The following ARMC8 variants were observed in gnomAD, a reference collection of about 807,000 sequenced individuals.
ARMC8 encodes armadillo repeat-containing protein 8.
In ARMC8, 20 loss-of-function variants were observed where a neutral mutation model predicts 99.3. That is an observed-to-expected ratio of 0.20 (90% confidence interval 0.14 to 0.29). The LOEUF (loss-of-function observed/expected upper bound fraction) is 0.29. Among genes scored for constraint, ARMC8 ranks in the 10% least tolerant of loss-of-function variants. ARMC8 has a pLI of 1.00. For missense variants in ARMC8, 569 were observed against 809.5 expected (o/e 0.70, Z 3.60); for synonymous variants, 263 against 278.3 (o/e 0.95, Z 0.55).
intron 12 of ARMC8, among the ~76,000 whole-genome samples, chr3:138,253,570 A>G (rs952275858): frequency 6.6e-6 from 1 of 152,348 alleles, no homozygotes; most frequent in South Asian, 2.1e-4. Context: ...AAAAAATACT[A>G]CAAACTGAGA....
rs955591766 is a variant in ARMC8 at position 138,295,736 on chromosome 3, C to T, written c.1989-123C>T. The stretch of plus-strand genomic sequence containing the variant: ...CTTAAGGTAGGTGCCCACCTGGGCT[C>T]ACCCCAATTCCCTCTGGAGATTTAC... On this transcript the variant is annotated intron_variant, in intron 21 of 21. Transcript: ENST00000469044. The T allele has an allele frequency of 8.5e-6, 9 of 1,052,786 alleles. No homozygotes were observed. The African/African-American group carries it at 9.5e-5, about 11-fold the overall frequency. 65.2% of individuals were successfully genotyped at this position (1,052,786 alleles called of 1,614,324 possible). A position where few individuals can be genotyped will look rare whatever the true frequency, so the allele number is the denominator to read the frequency against.
chr3:138,242,800 AGTT>A (rs2046688586), intron 11 of ARMC8, among the ~76,000 whole-genome samples: 1 of 152,220 alleles, frequency 6.6e-6, no homozygotes, highest in African/African-American at 2.4e-5. Flanking sequence ...TTTGGTAGGC[AGTT>A]GTTCATTTGG....
At chr3:138,283,907 A>G (rs1021514560) in intron 18 of ARMC8, among the ~76,000 whole-genome samples, 1 of 152,160 alleles carries the variant, frequency 6.6e-6, no homozygotes, top group Non-Finnish European at 1.5e-5. Flanking sequence ...CTAAGTGCAC[A>G]TGGCTGGTGT....
intron 13 of ARMC8, 154 bp downstream of exon 13, chr3:138,263,975 C>G: frequency 2.1e-6 from 2 of 946,240 alleles, no homozygotes; most frequent in Non-Finnish European, 3.3e-6. Context: ...TAACAGAGAG[C>G]CTGGCCTCCA....
chr3:138,281,862 CA>C (rs1410506229), intron 18 of ARMC8, among the ~76,000 whole-genome samples: 1 of 152,084 alleles, frequency 6.6e-6, no homozygotes, highest in Non-Finnish European at 1.5e-5. Flanking sequence ...AAGTGTTTAC[CA>C]TTTCTCTTCC....
In ARMC8 at chr3:138,190,063, G is replaced by C. The variant is rs1233187428; in HGVS notation, c.45+2464G>C. Among the ~76,000 whole-genome samples, 5 of 150,952 alleles carry C rather than the reference G, an allele frequency of 3.3e-5. No homozygotes were observed. The East Asian group carries it at 7.7e-4, about 23-fold the overall frequency. On this transcript the variant is annotated intron_variant, in intron 1 of 21. Transcript: ENST00000469044. ...TCTTCCCATGACCACCCTCATTCAG[G>C]ACTTTGTTGTTTTGTGCCTGCACTA...
intron 7 of ARMC8, among the ~76,000 whole-genome samples, chr3:138,236,794 G>A (rs748362827): frequency 2.8e-4 from 43 of 151,838 alleles, no homozygotes; most frequent in Admixed American, 2.0e-3. Flanking sequence ...ATTATATATG[G>A]TTAAGGATTG....
chr3:138,269,820 C>T (rs79976240), intron 15 of ARMC8, among the ~76,000 whole-genome samples: 53 of 121,614 alleles, frequency 4.4e-4, no homozygotes, highest in Middle Eastern at 4.6e-3. Context: ...TGTTTTCTTT[C>T]TTTTTTTTTT....
At chr3:138,198,390 G>A (rs1559911129) in intron 1 of ARMC8, among the ~76,000 whole-genome samples, 1 of 152,058 alleles carries the variant, frequency 6.6e-6, no homozygotes, top group Non-Finnish European at 1.5e-5. Context: ...CTGAAAACCG[G>A]AGAGGCTGGC....
At chr3:138,188,430 T>C (rs553859846) in intron 1 of ARMC8, 1 of 1,562,818 alleles carries the variant, frequency 6.4e-7, no homozygotes, top group African/African-American at 1.4e-5. Flanking sequence ...GACTTTCACC[T>C]TTCACTATGT....
In ARMC8 at chr3:138,217,249, G is replaced by C. The variant is rs372079810; in HGVS notation, c.123-4677G>C. ...AAGCATGACTGTAATTGATTTTTTA[G>C]CTTGGGTCTCCAGTCTTCAATACTT... On this transcript the variant is annotated intron_variant, in intron 2 of 21. Transcript: ENST00000469044. Among the ~76,000 whole-genome samples the C allele has an allele frequency of 2.0e-5, 3 of 152,150 alleles. 1 individual carries two copies. Among genetic ancestry groups the C allele is most frequent in the Admixed American group, 6.5e-5 (1 of 15,280 alleles).
At chr3:138,284,558 A>G (rs750459144) in intron 19 of ARMC8, 32 bp downstream of exon 19, 1 of 1,463,950 alleles carries the variant, frequency 6.8e-7, no homozygotes, top group Admixed American at 1.7e-5. Flanking sequence ...CCGTAGGATT[A>G]GAATGCAGGG....
chr3:138,278,728 T>C (rs1271572775), intron 18 of ARMC8, among the ~76,000 whole-genome samples: 2 of 152,204 alleles, frequency 1.3e-5, no homozygotes, highest in Non-Finnish European at 2.9e-5. Context: ...CTTTAATTCT[T>C]CTTATAGCAG....
At chr3:138,253,668 T>G (rs1384548057) in intron 12 of ARMC8, among the ~76,000 whole-genome samples, 1 of 152,216 alleles carries the variant, frequency 6.6e-6, no homozygotes, top group Non-Finnish European at 1.5e-5. Context: ...TAGCTTTTGG[T>G]ACTAAGTGGG....
chr3:138,269,011 A>G lies in ARMC8; in HGVS notation c.1387-1029A>G, dbSNP rs1337632841. 3.3e-5 allele frequency among the ~76,000 whole-genome samples: 5 copies of G among 152,330 alleles called. No homozygotes were observed. The East Asian group carries it at 9.6e-4, about 29-fold the overall frequency. On this transcript the variant is annotated intron_variant, in intron 15 of 21. Transcript: ENST00000469044. The stretch of plus-strand genomic sequence containing the variant: ...TTGAAATATTAAGCGTAAAAGGGGC[A>G]TGATGTACGCATCCTACTTTCACAT...
chr3:138,294,417 A>G (rs577044561), intron 21 of ARMC8, among the ~76,000 whole-genome samples: 2 of 152,240 alleles, frequency 1.3e-5, no homozygotes, highest in East Asian at 3.9e-4. Context: ...TCATTCATAA[A>G]CTTGTTTCTG....
At chr3:138,259,062 C>T (rs2047538584) in intron 12 of ARMC8, among the ~76,000 whole-genome samples, 1 of 152,228 alleles carries the variant, frequency 6.6e-6, no homozygotes. Context: ...ATTGCTCTTA[C>T]ATCCTGGAAG....
At chr3:138,231,786 G>C (rs946930890) in intron 6 of ARMC8, among the ~76,000 whole-genome samples, 1 of 148,974 alleles carries the variant, frequency 6.7e-6, no homozygotes, top group African/African-American at 2.5e-5. Context: ...TCTCTGGGGG[G>C]GGAAAAAAAA....
At chr3:138,229,186 ATATGTATATG>A (rs1222956135) in intron 6 of ARMC8, 176 bp downstream of exon 6, 2 of 107,844 alleles carry the variant, frequency 1.9e-5, no homozygotes, top group African/African-American at 4.2e-5. Context: ...ATATATATGT[ATATGTATATG>A]TATATGTATA....
Sources: gnomAD v4.1 joint callset for allele counts (sites outside exome capture counted in the v4.1 genomes callset) on GRCh38, gnomAD v4.1.1 for gene constraint, MANE v1.5 for transcripts, NCBI Gene and HGNC (gene_info 2026-07-23, HGNC 2026-07-21) for gene names.